Variants in ARHGEF7 observed in about 807,000 individuals in gnomAD.
ARHGEF7 encodes the protein PAK-interacting exchange factor beta.
A neutral mutation model predicts 109.8 loss-of-function variants in ARHGEF7; 33 were observed. The observed-to-expected ratio is 0.30, with a 90% CI of 0.23 to 0.40. The LOEUF is 0.40. ARHGEF7 is among the 10% of genes least tolerant of loss of function. ARHGEF7 has a pLI of 1.00. For synonymous variants in ARHGEF7, 458 were observed against 424.6 expected, an observed-to-expected ratio of 1.08 and a Z score of -0.97; for missense variants, 938 against 1,098.5, an observed-to-expected ratio of 0.85 and a Z score of 2.07.
intron 2 of ARHGEF7, among the ~76,000 whole-genome samples, chr13:111,171,287 G>A (rs927952983): frequency 6.6e-6 from 1 of 152,206 alleles, no homozygotes; most frequent in Admixed American, 6.5e-5. Flanking sequence ...TAACCATAAA[G>A]ATTTGAGGTA....
At chr13:111,178,725 CT>C (rs1566724252) in intron 2 of ARHGEF7, among the ~76,000 whole-genome samples, 1 of 152,236 alleles carries the variant, frequency 6.6e-6, no homozygotes, top group Non-Finnish European at 1.5e-5. Context: ...GGAAGCCACA[CT>C]TTTCTCTAAC....
intron 8 of ARHGEF7, among the ~76,000 whole-genome samples, chr13:111,247,708 A>G (rs758457734): frequency 1.3e-5 from 2 of 152,046 alleles, no homozygotes; most frequent in African/African-American, 2.4e-5. Context: ...GATTCCGCCT[A>G]CCACCTGTTT....
chr13:111,144,068 T>G (rs982824642), intron 1 of ARHGEF7: 1 of 152,242 alleles, frequency 6.6e-6, no homozygotes, highest in Non-Finnish European at 1.5e-5. Flanking sequence ...AGGGGATGCA[T>G]GAGTCAGTTG....
At chr13:111,115,766 T>A (rs1392517686) in intron 1 of ARHGEF7, 75 bp downstream of exon 1, 2 of 890,836 alleles carry the variant, frequency 2.2e-6, no homozygotes, top group Non-Finnish European at 2.8e-6. Context: ...GCGGAGCACC[T>A]GAGGCCGGCC....
chr13:111,159,675 G>T (rs9583583), intron 2 of ARHGEF7, among the ~76,000 whole-genome samples: 11,169 of 152,106 alleles, frequency 0.073, 663 homozygotes, highest in African/African-American at 0.16. Context: ...GTATGTCTTT[G>T]GAGAAATGTC....
At chr13:111,136,183 C>T (rs1175225035) in intron 1 of ARHGEF7, among the ~76,000 whole-genome samples, 2 of 152,154 alleles carry the variant, frequency 1.3e-5, no homozygotes, top group Admixed American at 1.3e-4. Context: ...TGATGTGCTC[C>T]TGGATTCGGT....
chr13:111,300,952 C>CT (rs879157413), intron 20 of ARHGEF7, 105 bp downstream of exon 20: 70,430 of 473,092 alleles, frequency 0.15, 7 homozygotes, highest in East Asian at 0.19. Flanking sequence ...AGAAGCTTCA[C>CT]TTTTTTTTTT....
intron 4 of ARHGEF7, among the ~76,000 whole-genome samples, chr13:111,212,329 C>A (rs59744697): frequency 6.6e-6 from 1 of 152,052 alleles, no homozygotes; most frequent in Non-Finnish European, 1.5e-5. Flanking sequence ...TTATCCAGTT[C>A]GGCTCTGTGA....
At chr13:111,133,428 G>A (rs150606549) in intron 1 of ARHGEF7, among the ~76,000 whole-genome samples, 134 of 152,032 alleles carry the variant, frequency 8.8e-4, no homozygotes, top group African/African-American at 3.1e-3. Flanking sequence ...ATATACATAC[G>A]TTTCAGCTTA....
intron 2 of ARHGEF7, among the ~76,000 whole-genome samples, chr13:111,190,860 G>A (rs1320342538): frequency 6.6e-6 from 1 of 152,150 alleles, no homozygotes; most frequent in African/African-American, 2.4e-5. Flanking sequence ...AGGTGTGTGA[G>A]TTTGTTGTTT....
At chr13:111,302,323 G>A (rs1380673790) in intron 21 of ARHGEF7, among the ~76,000 whole-genome samples, 1 of 152,242 alleles carries the variant, frequency 6.6e-6, no homozygotes, top group Non-Finnish European at 1.5e-5. Context: ...CCTCTGCCCA[G>A]CTAGGTGAGG....
intron 9 of ARHGEF7, among the ~76,000 whole-genome samples, chr13:111,269,652 C>G (rs991418075): frequency 6.6e-6 from 1 of 152,120 alleles, no homozygotes; most frequent in Non-Finnish European, 1.5e-5. Context: ...GGCAAGTCAC[C>G]ATTGCTTTAG....
rs1354331734 is a variant in ARHGEF7, at chr13:111,275,845, G to A, written c.1419+167G>A. The stretch of plus-strand genomic sequence containing the variant: ...GACACAGGAGAGAGGCTTATGGCAT[G>A]TTAGAGAGGCTTAGAGCTGAGTGTG... On this transcript the variant is annotated intron_variant, in intron 12 of 21. Coordinates refer to ENST00000646102, the MANE Select transcript of ARHGEF7 (RefSeq NM_001354046.2). 4.8e-6 allele frequency: 4 copies of A among 828,478 alleles called. No homozygotes were observed. In the Admixed American group the frequency reaches 7.0e-5, roughly 14 times the overall value. The allele number at this position is 828,478 out of a possible 1,614,324, so 51.3% of individuals were successfully genotyped here. A position where few individuals can be genotyped will look rare whatever the true frequency, so the allele number is the denominator to read the frequency against.
chr13:111,120,406 C>G (rs72670008), intron 1 of ARHGEF7, among the ~76,000 whole-genome samples: 1 of 152,216 alleles, frequency 6.6e-6, no homozygotes, highest in African/African-American at 2.4e-5. Context: ...TGTGCACACA[C>G]GAACTTATGC....
chr13:111,185,377 C>G (rs1264776252), intron 2 of ARHGEF7, among the ~76,000 whole-genome samples: 1 of 152,170 alleles, frequency 6.6e-6, no homozygotes, highest in Non-Finnish European at 1.5e-5. Context: ...CTGCTCATAG[C>G]CTTTCCCTTT....
At chr13:111,177,934 C>T (rs1038197007) in intron 2 of ARHGEF7, among the ~76,000 whole-genome samples, 2 of 152,184 alleles carry the variant, frequency 1.3e-5, no homozygotes, top group Non-Finnish European at 2.9e-5. Context: ...CTTGAACTCG[C>T]ACGCAGTGTG....
At chr13:111,224,017 C>T (rs1024063718) in intron 5 of ARHGEF7, among the ~76,000 whole-genome samples, 15 of 152,212 alleles carry the variant, frequency 9.9e-5, no homozygotes, top group African/African-American at 3.4e-4. Flanking sequence ...CCACCACGCC[C>T]GGCTAATTTG....
At chr13:111,175,262 C>T (rs2078025210) in intron 2 of ARHGEF7, among the ~76,000 whole-genome samples, 1 of 152,206 alleles carries the variant, frequency 6.6e-6, no homozygotes, top group Non-Finnish European at 1.5e-5. Context: ...TCAAGGCCCA[C>T]ACTTGTATGG....
chr13:111,229,423 T>C (rs2085708341), intron 5 of ARHGEF7, among the ~76,000 whole-genome samples: 1 of 152,226 alleles, frequency 6.6e-6, no homozygotes, highest in Non-Finnish European at 1.5e-5. Flanking sequence ...TCCATTTTAG[T>C]GACCATATTT....
Sources: allele counts gnomAD v4.1 joint callset (sites outside exome capture counted in the v4.1 genomes callset), GRCh38; gene constraint gnomAD v4.1.1; transcripts MANE v1.5; gene names NCBI Gene and HGNC (gene_info 2026-07-23, HGNC 2026-07-21).